Variants in TMEM150C observed in about 807,000 individuals in gnomAD.
TMEM150C encodes the protein tentonin 3.
Under a neutral mutation model 29.9 loss-of-function variants are expected in TMEM150C, and 10 were observed. That is an observed-to-expected ratio of 0.33 (90% CI 0.21 to 0.57). The LOEUF is 0.57. Ranked by LOEUF, TMEM150C falls within the 20% of genes least tolerant of loss-of-function variation. TMEM150C has a pLI of 0.88. For missense variants in TMEM150C, 251 were observed against 303.6 expected (o/e 0.83, Z 1.29); for synonymous variants, 101 against 112.5 (o/e 0.90, Z 0.64).
intron 2 of TMEM150C, 33 bp from the exon 3 acceptor site, chr4:82,503,145 A>G: frequency 6.8e-7 from 1 of 1,460,696 alleles, no homozygotes; most frequent in Non-Finnish European, 9.4e-7. Flanking sequence ...TAGAACAAAG[A>G]AATTGGAAAA....
chr4:82,502,606 G>T, intron 5 of TMEM150C, 121 bp downstream of exon 5: 1 of 967,464 alleles, frequency 1.0e-6, no homozygotes, highest in South Asian at 1.6e-5. Flanking sequence ...TCAGCATATT[G>T]ACATCGTATG....
chr4:82,523,211 G>A (rs1044047054), intron 1 of TMEM150C, among the ~76,000 whole-genome samples: 6 of 152,240 alleles, frequency 3.9e-5, no homozygotes, highest in Admixed American at 1.3e-4. Flanking sequence ...AGGCTCCCCC[G>A]TACACAGCCA....
At chr4:82,533,285 C>T (rs1012284929) in intron 1 of TMEM150C, among the ~76,000 whole-genome samples, 1 of 152,110 alleles carries the variant, frequency 6.6e-6, no homozygotes, top group Non-Finnish European at 1.5e-5. Flanking sequence ...TTTCTGACAA[C>T]TATCCTTTAA....
At chr4:82,557,787 G>T (rs970260196) in intron 1 of TMEM150C, among the ~76,000 whole-genome samples, 1 of 145,504 alleles carries the variant, frequency 6.9e-6, no homozygotes, top group African/African-American at 2.6e-5. Context: ...AGGCTGGAGT[G>T]CAGTGGCACG....
chr4:82,545,440 C>T (rs979752986), intron 1 of TMEM150C, among the ~76,000 whole-genome samples: 25 of 152,298 alleles, frequency 1.6e-4, no homozygotes, highest in Admixed American at 1.5e-3. Context: ...CAACATTATA[C>T]TGAATGGGCA....
intron 1 of TMEM150C, among the ~76,000 whole-genome samples, chr4:82,533,417 A>C (rs1010443284): frequency 6.6e-6 from 1 of 152,242 alleles, no homozygotes; most frequent in Non-Finnish European, 1.5e-5. Context: ...AAAACTGATA[A>C]GCATATCTCC....
intron 5 of TMEM150C, among the ~76,000 whole-genome samples, chr4:82,500,147 G>C (rs1723691773): frequency 6.6e-6 from 1 of 152,182 alleles, no homozygotes; most frequent in Admixed American, 6.5e-5. Flanking sequence ...GAAAATAATT[G>C]AGCATTCAAT....
intron 7 of TMEM150C, among the ~76,000 whole-genome samples, chr4:82,487,375 G>A (rs1251577724): frequency 6.6e-6 from 1 of 152,170 alleles, no homozygotes; most frequent in Non-Finnish European, 1.5e-5. Flanking sequence ...CTTGAACCCA[G>A]GAGGTGGAGG....
intron 1 of TMEM150C, among the ~76,000 whole-genome samples, chr4:82,516,919 A>G (rs1017385012): frequency 6.6e-6 from 1 of 152,236 alleles, no homozygotes. Flanking sequence ...AAGGTTGTAC[A>G]TCATCCTGCA....
At chr4:82,546,784 G>A (rs1374732211) in intron 1 of TMEM150C, among the ~76,000 whole-genome samples, 5 of 151,936 alleles carry the variant, frequency 3.3e-5, no homozygotes, top group Admixed American at 1.3e-4. Flanking sequence ...CCAAGATCGC[G>A]CCACTGCACT....
At chr4:82,526,929 C>A (rs1232251823) in intron 1 of TMEM150C, among the ~76,000 whole-genome samples, 1 of 151,986 alleles carries the variant, frequency 6.6e-6, no homozygotes, top group Non-Finnish European at 1.5e-5. Context: ...GCATGTCTTC[C>A]CCGTGTAATT....
intron 1 of TMEM150C, among the ~76,000 whole-genome samples, chr4:82,525,364 A>T (rs1210015950): frequency 6.6e-6 from 1 of 152,130 alleles, no homozygotes; most frequent in South Asian, 2.1e-4. Flanking sequence ...GAGTAATAAA[A>T]CCAGAACTGT....
At chr4:82,500,082 T>C (rs955158152) in intron 5 of TMEM150C, among the ~76,000 whole-genome samples, 12 of 152,328 alleles carry the variant, frequency 7.9e-5, no homozygotes, top group African/African-American at 2.6e-4. Context: ...TTTTCTCTCC[T>C]ACCCCGTGGA....
chr4:82,542,629 A>G lies in TMEM150C; in HGVS notation c.-11+19277T>C, dbSNP rs111400323. ...ACACATCAAACCATGGTTATTTAAC[A>G]TTGTCTTAAAAATTTGTAATGCATG... On this transcript the variant is annotated intron_variant, in intron 1 of 7. Coordinates refer to ENST00000449862, the MANE Select transcript of TMEM150C (RefSeq NM_001080506.3). Among the ~76,000 whole-genome samples, 53 of 152,326 alleles carry G rather than the reference A, an allele frequency of 3.5e-4. 1 individual carries two copies. The highest frequency in any genetic ancestry group is 1.2e-3 in the African/African-American group (50 of 41,574).
chr4:82,550,538 T>C (rs1455471743), intron 1 of TMEM150C, among the ~76,000 whole-genome samples: 1 of 152,166 alleles, frequency 6.6e-6, no homozygotes, highest in East Asian at 1.9e-4. Context: ...CGATGGCTCA[T>C]GCTTGTAATC....
In TMEM150C at chr4:82,503,040, A is replaced by G; in HGVS notation, c.134+19T>C. On this transcript the variant is annotated intron_variant, in intron 3 of 7. Coordinates refer to ENST00000449862, the MANE Select transcript of TMEM150C (RefSeq NM_001080506.3). ...TAAATCTCTTGATGAACAACGAATTACCCACAGATAAACTTTACCTTTCAG... is the reference window on the plus strand; with the variant it reads ...TAAATCTCTTGATGAACAACGAATTGCCCACAGATAAACTTTACCTTTCAG... 3 of 1,611,928 alleles carry G rather than the reference A, an allele frequency of 1.9e-6. No homozygotes were observed. Among genetic ancestry groups the G allele is most frequent in the Non-Finnish European group, 2.5e-6 (3 of 1,178,964 alleles).
chr4:82,493,841 T>C (rs558330833), intron 6 of TMEM150C, among the ~76,000 whole-genome samples: 1 of 152,304 alleles, frequency 6.6e-6, no homozygotes, highest in African/African-American at 2.4e-5. Context: ...GCCAATATAT[T>C]CTAAGAATGC....
At chr4:82,532,258 A>G (rs1165786742) in intron 1 of TMEM150C, among the ~76,000 whole-genome samples, 1 of 152,250 alleles carries the variant, frequency 6.6e-6, no homozygotes, top group African/African-American at 2.4e-5. Flanking sequence ...TTGAAATGCA[A>G]ATATTTCTGG....
rs768778588 is a variant in TMEM150C at position 82,485,547 on chromosome 4, C to T, written c.714G>A (p.Leu238=). 6.2e-7 allele frequency: 1 copy of T among 1,608,340 alleles called. No homozygotes were observed. Among genetic ancestry groups the T allele is most frequent in the East Asian group, 2.2e-5 (1 of 44,784 alleles). ...CAGTCTGATATTCAGAAGCTTCTGA[C>T]AGGCTTTCTGAGAAGCTTAGGAAAT... ...QENFLSFSES[L]SEASEYQTDQ... Residue 238 remains leucine (L), a synonymous_variant, in exon 8 of 8, where the codon CTG becomes CTA. Coordinates refer to ENST00000449862, the MANE Select transcript of TMEM150C (RefSeq NM_001080506.3).
Sources: gnomAD v4.1 joint callset for allele counts (sites outside exome capture counted in the v4.1 genomes callset) on GRCh38, gnomAD v4.1.1 for gene constraint, MANE v1.5 for transcripts, NCBI Gene and HGNC (gene_info 2026-07-23, HGNC 2026-07-21) for gene names.